MALRD1: variants seen among roughly 807,000 people sequenced by gnomAD.
MALRD1 encodes MAM and LDL receptor class A domain containing 1, also known as MAM and LDL-receptor class A domain-containing protein 1.
A neutral mutation model predicts 242.1 loss-of-function variants in MALRD1; 247 were observed. The observed-to-expected ratio is 1.02, with a 90% CI of 0.92 to 1.13. The LOEUF (loss-of-function observed/expected upper bound fraction) is 1.13. MALRD1 is among the 50% of genes most tolerant of loss of function. The probability of loss-of-function intolerance (pLI) is 0.00; values close to 1 mark genes in which losing one functional copy is unlikely to be tolerated. For synonymous variants in MALRD1, 995 were observed against 866.6 expected (o/e 1.15, Z -2.60); for missense variants, 2,989 against 2,533.1 (o/e 1.18, Z -3.86).
chr10:19,186,702 G>C (rs535822844), intron 14 of MALRD1, among the ~76,000 whole-genome samples: 1 of 152,012 alleles, frequency 6.6e-6, no homozygotes, highest in African/African-American at 2.4e-5. Context: ...AGCTCGACTG[G>C]GATATTATTT....
intron 13 of MALRD1, among the ~76,000 whole-genome samples, chr10:19,174,204 A>T (rs1303175664): frequency 6.6e-6 from 1 of 152,160 alleles, no homozygotes; most frequent in African/African-American, 2.4e-5. Flanking sequence ...CCAGGTATAG[A>T]TAGGGTAGGA....
intron 5 of MALRD1, among the ~76,000 whole-genome samples, chr10:19,116,417 TTTTA>T (rs1359831018): frequency 7.2e-5 from 11 of 152,224 alleles, no homozygotes; most frequent in Admixed American, 7.2e-4. Context: ...TAAGGACCTT[TTTTA>T]TTTTAGTAGC....
chr10:19,378,581 T>C (rs1327844346), intron 26 of MALRD1, among the ~76,000 whole-genome samples: 1 of 152,184 alleles, frequency 6.6e-6, no homozygotes, highest in Non-Finnish European at 1.5e-5. Context: ...TTTATGTCTT[T>C]TTCTGATTTA....
chr10:19,405,066 G>A (rs925934839), intron 28 of MALRD1, among the ~76,000 whole-genome samples: 1 of 152,150 alleles, frequency 6.6e-6, no homozygotes, highest in African/African-American at 2.4e-5. Context: ...GGCAGAATTT[G>A]TGAAAATAAT....
intron 5 of MALRD1, among the ~76,000 whole-genome samples, chr10:19,118,552 G>C (rs948817090): frequency 6.6e-6 from 1 of 152,180 alleles, no homozygotes; most frequent in Admixed American, 6.5e-5. Context: ...ATAAGAGCTC[G>C]TAGAGACCAA....
At chr10:19,689,045 A>T (rs928701888) in intron 36 of MALRD1, among the ~76,000 whole-genome samples, 2 of 152,230 alleles carry the variant, frequency 1.3e-5, no homozygotes, top group African/African-American at 4.8e-5. Context: ...TGCACTAAAA[A>T]TATATATTTA....
intron 7 of MALRD1, among the ~76,000 whole-genome samples, chr10:19,124,923 A>G (rs1439867244): frequency 7.1e-6 from 1 of 141,840 alleles, no homozygotes; most frequent in East Asian, 2.1e-4. Context: ...GTGAACAAAA[A>G]GTATTAAAAG....
Position 19,441,569 on chromosome 10 carries a change from T to C in MALRD1, c.4846-8738T>C, listed in dbSNP as rs1834651941. 2.6e-5 allele frequency among the ~76,000 whole-genome samples: 4 copies of C among 152,324 alleles called. No individual in the cohort carries two copies. In the South Asian group the frequency reaches 8.3e-4, roughly 32 times the overall value. Reference sequence around the variant, plus strand: ...CAGCTTTCTACATATGGCTAGCCAGTTTCCCCAGCACCATTTATTAAATAG... The same window carrying C: ...CAGCTTTCTACATATGGCTAGCCAGCTTCCCCAGCACCATTTATTAAATAG... On this transcript the variant is annotated intron_variant, in intron 28 of 39. Transcript: ENST00000454679.
At chr10:19,230,184 T>C (rs1047668504) in intron 18 of MALRD1, among the ~76,000 whole-genome samples, 1 of 152,190 alleles carries the variant, frequency 6.6e-6, no homozygotes, top group Non-Finnish European at 1.5e-5. Context: ...AACCTCTTTT[T>C]CTTTATAAAT....
intron 30 of MALRD1, 101 bp downstream of exon 30, chr10:19,491,746 T>G (rs993102299): frequency 2.3e-6 from 3 of 1,304,738 alleles, no homozygotes. Flanking sequence ...AAATATTATT[T>G]TCATGCACTA....
intron 18 of MALRD1, among the ~76,000 whole-genome samples, chr10:19,223,522 A>G (rs1238810907): frequency 1.3e-5 from 2 of 151,956 alleles, no homozygotes; most frequent in Non-Finnish European, 2.9e-5. Context: ...ATTTATTTAC[A>G]TTTACATTTA....
chr10:19,529,309 C>T (rs72788573), intron 31 of MALRD1, among the ~76,000 whole-genome samples: 39,016 of 152,038 alleles, frequency 0.26, 6,065 homozygotes, highest in Admixed American at 0.4. Context: ...TTTTACAGTA[C>T]TTGTACTACC....
At chr10:19,734,081 T>G in intron 39 of MALRD1, 76 bp from the exon 40 acceptor site, 1 of 1,163,364 alleles carries the variant, frequency 8.6e-7, no homozygotes, top group Non-Finnish European at 1.2e-6. Context: ...TTTGCTGCAT[T>G]CTGCGTGATC....
At chr10:19,390,421 A>G (rs1846290694) in intron 28 of MALRD1, among the ~76,000 whole-genome samples, 2 of 152,218 alleles carry the variant, frequency 1.3e-5, no homozygotes, top group African/African-American at 2.4e-5. Flanking sequence ...TTTCTTAGTA[A>G]GGATTAATTG....
In MALRD1 at chr10:19,607,077, C is replaced by T. The variant is rs73595859; in HGVS notation, c.5945-700C>T. Among the ~76,000 whole-genome samples the T allele has an allele frequency of 2.8e-3, 427 of 152,248 alleles. 4 individuals carry two copies. The highest frequency in any genetic ancestry group is 9.9e-3 in the African/African-American group (413 of 41,558). On this transcript the variant is annotated intron_variant, in intron 34 of 39. Transcript: ENST00000454679. Reference sequence around the variant, plus strand: ...CTCTTGATGGACATCAATAAGGACACTTTTCGAAACAACCAAAGTCTTATG... The same window carrying T: ...CTCTTGATGGACATCAATAAGGACATTTTTCGAAACAACCAAAGTCTTATG...
intron 21 of MALRD1, among the ~76,000 whole-genome samples, chr10:19,298,651 C>T (rs1262515123): frequency 6.6e-6 from 1 of 151,876 alleles, no homozygotes; most frequent in Non-Finnish European, 1.5e-5. Flanking sequence ...AAAGCATCAG[C>T]AGGACTAGAA....
intron 34 of MALRD1, among the ~76,000 whole-genome samples, chr10:19,599,015 GGA>G (rs899804519): frequency 1.4e-4 from 22 of 152,236 alleles, no homozygotes; most frequent in Admixed American, 1.2e-3. Context: ...TTGGGATTTT[GGA>G]GAGAGAACTT....
intron 18 of MALRD1, among the ~76,000 whole-genome samples, chr10:19,249,781 A>C (rs1442781303): frequency 6.6e-6 from 1 of 152,076 alleles, no homozygotes; most frequent in Non-Finnish European, 1.5e-5. Flanking sequence ...TTTCTAATTC[A>C]CAATAACTAA....
rs1174524728 is a variant in MALRD1, at chr10:19,595,244, A to G, written c.5731A>G (p.Ile1911Val). 1.3e-6 allele frequency: 2 copies of G among 1,550,366 alleles called. No homozygotes were observed. Among genetic ancestry groups the G allele is most frequent in the Non-Finnish European group, 1.7e-6 (2 of 1,146,934 alleles). The change falls in exon 34 of 40, where the codon ATC (isoleucine) becomes GTC (valine). Residue 1911 changes from isoleucine to valine, a missense_variant. Physicochemically the swap from Ile to Val is conservative, Grantham distance 29. Coordinates refer to ENST00000454679, the MANE Select transcript of MALRD1 (RefSeq NM_001142308.3). Reference sequence around the variant, plus strand: ...CTGTGAAGCTGATCAGTTTTCTTGTATCTACACACTCCAATGTGTCCCTCT... The same window carrying G: ...CTGTGAAGCTGATCAGTTTTCTTGTGTCTACACACTCCAATGTGTCCCTCT... ...SPCEADQFSC[I>V]YTLQCVPLSG...
Sources: gnomAD v4.1 joint callset for allele counts (sites outside exome capture counted in the v4.1 genomes callset) on GRCh38, gnomAD v4.1.1 for gene constraint, MANE v1.5 for transcripts, NCBI Gene and HGNC (gene_info 2026-07-23, HGNC 2026-07-21) for gene names.